The following NKAIN3 variants were observed in gnomAD, a reference collection of about 807,000 sequenced individuals.
NKAIN3 encodes sodium/potassium-transporting ATPase subunit beta-1-interacting protein 3.
A neutral mutation model predicts 30.2 loss-of-function variants in NKAIN3; 25 were observed. That is an observed-to-expected ratio of 0.83 (90% CI 0.60 to 1.16). The LOEUF (loss-of-function observed/expected upper bound fraction) is 1.16, where lower values mean the gene tolerates loss of function less well. Ranked by LOEUF, NKAIN3 falls within the 50% of genes most tolerant of loss-of-function variation. The pLI, the probability that NKAIN3 is intolerant of heterozygous loss-of-function variation, is 0.00. For missense variants in NKAIN3, 225 were observed against 254.1 expected, an observed-to-expected ratio of 0.89 and a Z score of 0.78; for synonymous variants, 91 against 89.6, an observed-to-expected ratio of 1.02 and a Z score of -0.09.
At chr8:62,272,899 CTGT>C (rs1169536686) in intron 1 of NKAIN3, among the ~76,000 whole-genome samples, 14 of 152,126 alleles carry the variant, frequency 9.2e-5, no homozygotes, top group Non-Finnish European at 1.8e-4. Context: ...TTCACATAAA[CTGT>C]TGTCAGTCTG....
rs186225551 is a variant in NKAIN3, at chr8:62,777,870, G to T, written c.471+30741G>T. On this transcript the variant is annotated intron_variant, in intron 4 of 6. Transcript: ENST00000623646. Reference sequence around the variant, plus strand: ...ACTTTCCAGGTATTCAAAGGTCCTTGATTGTTGAGATCTAAGTTTTTGGCT... The same window carrying T: ...ACTTTCCAGGTATTCAAAGGTCCTTTATTGTTGAGATCTAAGTTTTTGGCT... Among the ~76,000 whole-genome samples, 13 of 152,244 alleles carry T rather than the reference G, an allele frequency of 8.5e-5. No individual in the cohort carries two copies. The East Asian group carries it at 2.5e-3, about 29-fold the overall frequency.
intron 4 of NKAIN3, among the ~76,000 whole-genome samples, chr8:62,807,566 T>TG (rs967915954): frequency 1.3e-5 from 2 of 149,632 alleles, no homozygotes; most frequent in African/African-American, 4.9e-5. Flanking sequence ...GTTTTTTTTT[T>TG]TTTTTGAGAC....
At chr8:62,636,664 A>G (rs575860728) in intron 3 of NKAIN3, among the ~76,000 whole-genome samples, 54 of 152,338 alleles carry the variant, frequency 3.5e-4, no homozygotes, top group African/African-American at 1.3e-3. Context: ...TAGTGGGCAT[A>G]CTTTCATTGA....
chr8:62,327,430 T>C (rs1477139451), intron 1 of NKAIN3, among the ~76,000 whole-genome samples: 1 of 152,072 alleles, frequency 6.6e-6, no homozygotes, highest in African/African-American at 2.4e-5. Context: ...TGTTTTCTTC[T>C]AAGAATTTCA....
intron 5 of NKAIN3, among the ~76,000 whole-genome samples, chr8:62,931,249 A>G (rs796131062): frequency 5.9e-5 from 9 of 152,348 alleles, no homozygotes; most frequent in African/African-American, 1.9e-4. Context: ...TTTTTATAAC[A>G]TTACACAAAT....
At chr8:62,435,621 A>C (rs1805147840) in intron 1 of NKAIN3, among the ~76,000 whole-genome samples, 1 of 152,182 alleles carries the variant, frequency 6.6e-6, no homozygotes, top group African/African-American at 2.4e-5. Flanking sequence ...ACGTATAAGG[A>C]GTTCCAAGAT....
chr8:62,605,789 C>T (rs992096586), intron 3 of NKAIN3, among the ~76,000 whole-genome samples: 2 of 152,136 alleles, frequency 1.3e-5, no homozygotes, highest in African/African-American at 4.8e-5. Flanking sequence ...TGAGCACCCT[C>T]AGATTTTGGT....
At chr8:62,711,095 C>T (rs947485792) in intron 3 of NKAIN3, among the ~76,000 whole-genome samples, 8 of 151,992 alleles carry the variant, frequency 5.3e-5, no homozygotes, top group East Asian at 1.9e-4. Flanking sequence ...GGGTTCCTAC[C>T]GAGAAATCTG....
chr8:62,534,725 T>A (rs1158078562), intron 1 of NKAIN3, among the ~76,000 whole-genome samples: 1 of 152,212 alleles, frequency 6.6e-6, no homozygotes, highest in Non-Finnish European at 1.5e-5. Flanking sequence ...TTGAATTTGT[T>A]GATGCTGCTG....
At chr8:62,596,432 G>T (rs1246379838) in intron 3 of NKAIN3, among the ~76,000 whole-genome samples, 1 of 151,872 alleles carries the variant, frequency 6.6e-6, no homozygotes, top group Non-Finnish European at 1.5e-5. Context: ...ACCTTTTTAG[G>T]TTTCTGTACA....
intron 1 of NKAIN3, among the ~76,000 whole-genome samples, chr8:62,297,649 C>T (rs1232326129): frequency 6.6e-6 from 1 of 151,740 alleles, no homozygotes; most frequent in Non-Finnish European, 1.5e-5. Context: ...GTTAGAATGG[C>T]AATCATTAAA....
intron 1 of NKAIN3, among the ~76,000 whole-genome samples, chr8:62,410,066 T>C (rs141068466): frequency 0.017 from 2,539 of 152,296 alleles, 39 homozygotes; most frequent in Non-Finnish European, 0.023. Context: ...GTGAGCATAG[T>C]ACCCAATAGG....
At chr8:62,820,931 G>C (rs1049430826) in intron 4 of NKAIN3, among the ~76,000 whole-genome samples, 1 of 152,066 alleles carries the variant, frequency 6.6e-6, no homozygotes, top group Non-Finnish European at 1.5e-5. Flanking sequence ...TGTGCTATTT[G>C]CTTCCTGGTA....
intron 1 of NKAIN3, among the ~76,000 whole-genome samples, chr8:62,415,851 G>A (rs970535955): frequency 7.2e-5 from 11 of 151,760 alleles, no homozygotes; most frequent in Non-Finnish European, 1.5e-4. Flanking sequence ...TCTGCCTCCC[G>A]GGTTCACGCC....
chr8:62,713,425 T>C (rs576931394), intron 3 of NKAIN3, among the ~76,000 whole-genome samples: 3 of 152,322 alleles, frequency 2.0e-5, no homozygotes, highest in African/African-American at 7.2e-5. Flanking sequence ...TCTTTCCTCC[T>C]CCAGTAATGC....
At chr8:62,758,068 C>T (rs566527538) in intron 4 of NKAIN3, among the ~76,000 whole-genome samples, 4 of 152,122 alleles carry the variant, frequency 2.6e-5, no homozygotes, top group South Asian at 2.1e-4. Context: ...AATTCAACCT[C>T]GAGGAGGACT....
At chr8:62,661,141 C>T (rs912834677) in intron 3 of NKAIN3, among the ~76,000 whole-genome samples, 4 of 152,288 alleles carry the variant, frequency 2.6e-5, no homozygotes, top group South Asian at 2.1e-4. Context: ...ATTTGAAGCA[C>T]GTACGCCATC....
intron 1 of NKAIN3, among the ~76,000 whole-genome samples, chr8:62,575,610 AC>A (rs1810084921): frequency 6.6e-6 from 1 of 152,118 alleles, no homozygotes; most frequent in African/African-American, 2.4e-5. Context: ...AATAGAAAAA[AC>A]AATCTTAAAA....
At chr8:62,708,659 C>T (rs911954533) in intron 3 of NKAIN3, among the ~76,000 whole-genome samples, 2 of 152,012 alleles carry the variant, frequency 1.3e-5, no homozygotes, top group Non-Finnish European at 2.9e-5. Context: ...TGATCATATC[C>T]TCAGCAAACA....
Sources: allele counts gnomAD v4.1 joint callset (sites outside exome capture counted in the v4.1 genomes callset), GRCh38; gene constraint gnomAD v4.1.1; transcripts MANE v1.5; gene names NCBI Gene and HGNC (gene_info 2026-07-23, HGNC 2026-07-21).